The following CDH13 variants were observed in gnomAD, a reference collection of about 807,000 sequenced individuals.
CDH13 encodes cadherin-13.
In CDH13, 24 loss-of-function variants were observed where a neutral mutation model predicts 63.8. That is an observed-to-expected ratio of 0.38 (90% confidence interval 0.27 to 0.53). The LOEUF (loss-of-function observed/expected upper bound fraction) is 0.53. CDH13 is among the 20% of genes least tolerant of loss of function. CDH13 has a pLI of 0.85. For synonymous variants in CDH13, 503 were observed against 355.3 expected (o/e 1.42, Z -4.67); for missense variants, 1,049 against 903.1 (o/e 1.16, Z -2.07).
chr16:83,336,260 C>T (rs2090594089), intron 5 of CDH13, among the ~76,000 whole-genome samples: 2 of 145,294 alleles, frequency 1.4e-5, no homozygotes, highest in African/African-American at 2.6e-5. Flanking sequence ...AAGATCACGC[C>T]ACTGTACTCC....
intron 5 of CDH13, among the ~76,000 whole-genome samples, chr16:83,254,656 A>G (rs1442729912): frequency 1.3e-5 from 2 of 152,138 alleles, no homozygotes; most frequent in Non-Finnish European, 1.5e-5. Context: ...CCGCAAATCC[A>G]GTATGGATTG....
intron 1 of CDH13, among the ~76,000 whole-genome samples, chr16:82,774,486 G>T (rs1355437771): frequency 6.6e-6 from 1 of 152,160 alleles, no homozygotes; most frequent in South Asian, 2.1e-4. Flanking sequence ...TAGTGTCAGG[G>T]TCTACCACTG....
intron 2 of CDH13, among the ~76,000 whole-genome samples, chr16:82,940,434 T>C (rs958249331): frequency 6.6e-6 from 1 of 152,172 alleles, no homozygotes; most frequent in Non-Finnish European, 1.5e-5. Flanking sequence ...TTAGCAGTTA[T>C]GATTGTGGTT....
intron 1 of CDH13, among the ~76,000 whole-genome samples, chr16:82,806,912 C>T (rs970353092): frequency 6.6e-6 from 1 of 152,068 alleles, no homozygotes; most frequent in African/African-American, 2.4e-5. Flanking sequence ...CTAGCATATT[C>T]CAGCAAGGAG....
intron 7 of CDH13, among the ~76,000 whole-genome samples, chr16:83,518,352 A>C (rs1409674103): frequency 6.6e-6 from 1 of 151,422 alleles, no homozygotes; most frequent in Non-Finnish European, 1.5e-5. Context: ...TCATCGTGTT[A>C]GCCAGGATGG....
At chr16:83,572,080 G>T (rs562733028) in intron 7 of CDH13, among the ~76,000 whole-genome samples, 2 of 152,126 alleles carry the variant, frequency 1.3e-5, no homozygotes, top group Non-Finnish European at 2.9e-5. Flanking sequence ...CACAAAGGCT[G>T]ACATGTGTTA....
intron 7 of CDH13, among the ~76,000 whole-genome samples, chr16:83,514,804 G>T (rs1209472423): frequency 6.6e-6 from 1 of 152,166 alleles, no homozygotes; most frequent in Non-Finnish European, 1.5e-5. Context: ...TAGAGGCCGG[G>T]AACAGATGTT....
chr16:83,083,266 T>C (rs1023996022), intron 3 of CDH13, among the ~76,000 whole-genome samples: 1 of 152,220 alleles, frequency 6.6e-6, no homozygotes, highest in Non-Finnish European at 1.5e-5. Flanking sequence ...TTTTTATGTG[T>C]AGTCACTGTG....
chr16:82,765,428 A>T (rs2151089396), intron 1 of CDH13, among the ~76,000 whole-genome samples: 1 of 151,940 alleles, frequency 6.6e-6, no homozygotes, highest in Middle Eastern at 3.4e-3. Flanking sequence ...TTGATTCCCT[A>T]CTCCTTCTAT....
At chr16:82,871,853 G>A (rs1056066922) in intron 2 of CDH13, among the ~76,000 whole-genome samples, 3 of 152,080 alleles carry the variant, frequency 2.0e-5, no homozygotes, top group Non-Finnish European at 1.5e-5. Flanking sequence ...CCTCCAAGAT[G>A]GCCACCAGCA....
At chr16:82,737,098 T>G (rs781152558) in intron 1 of CDH13, among the ~76,000 whole-genome samples, 2 of 152,254 alleles carry the variant, frequency 1.3e-5, no homozygotes. Context: ...ATTTAGGAGA[T>G]AATGCCTGAA....
At chr16:83,715,404 A>T (rs1908738508) in intron 10 of CDH13, among the ~76,000 whole-genome samples, 2 of 152,122 alleles carry the variant, frequency 1.3e-5, no homozygotes, top group Non-Finnish European at 2.9e-5. Context: ...TTCCTCAGGC[A>T]GTTGTTTGTT....
chr16:83,125,802 A>C (rs752885689), intron 4 of CDH13, among the ~76,000 whole-genome samples: 75 of 152,190 alleles, frequency 4.9e-4, no homozygotes, highest in Non-Finnish European at 9.3e-4. Context: ...GATTATATTC[A>C]GGTGATCACC....
Position 83,551,594 on chromosome 16 carries a change from C to T in CDH13, c.961-50860C>T, listed in dbSNP as rs540489836. 4.6e-5 allele frequency among the ~76,000 whole-genome samples: 7 copies of T among 152,284 alleles called. No homozygotes were observed. The East Asian group carries it at 1.4e-3, about 29-fold the overall frequency. ...GCATCTTCTTGTTTCCTAATCTTTG[C>T]TCATGTATTCACTCAGGCTGGACAT... On this transcript the variant is annotated intron_variant, in intron 7 of 13. Coordinates refer to ENST00000567109, the MANE Select transcript of CDH13 (RefSeq NM_001257.5).
At chr16:82,919,323 A>ATTTT (rs2042085592) in intron 2 of CDH13, among the ~76,000 whole-genome samples, 1 of 152,172 alleles carries the variant, frequency 6.6e-6, no homozygotes, top group Non-Finnish European at 1.5e-5. Context: ...TAAGCCTAGT[A>ATTTT]TCCAATAGTT....
intron 4 of CDH13, among the ~76,000 whole-genome samples, chr16:83,138,548 A>G (rs72800209): frequency 0.055 from 8,396 of 152,282 alleles, 331 homozygotes; most frequent in Middle Eastern, 0.13. Flanking sequence ...AGAGGTGAGA[A>G]TAATTCAAAG....
At chr16:82,923,673 C>T (rs1433402764) in intron 2 of CDH13, among the ~76,000 whole-genome samples, 1 of 152,186 alleles carries the variant, frequency 6.6e-6, no homozygotes, top group Non-Finnish European at 1.5e-5. Flanking sequence ...CATGAAAATT[C>T]AGTGAGATAA....
chr16:82,877,839 G>A (rs958078349), intron 2 of CDH13, among the ~76,000 whole-genome samples: 1 of 149,884 alleles, frequency 6.7e-6, no homozygotes. Flanking sequence ...TAACCTGGGG[G>A]CCAGGGAAGA....
intron 1 of CDH13, among the ~76,000 whole-genome samples, chr16:82,800,701 G>C (rs571473090): frequency 6.6e-6 from 1 of 152,104 alleles, no homozygotes; most frequent in Non-Finnish European, 1.5e-5. Flanking sequence ...CCATTCAACT[G>C]CCACACACCT....
Sources: gnomAD v4.1 joint callset for allele counts (sites outside exome capture counted in the v4.1 genomes callset) on GRCh38, gnomAD v4.1.1 for gene constraint, MANE v1.5 for transcripts, NCBI Gene and HGNC (gene_info 2026-07-23, HGNC 2026-07-21) for gene names.